KIAA1549L: variants seen among roughly 807,000 people sequenced by gnomAD.
KIAA1549L encodes the protein UPF0606 protein KIAA1549L.
A neutral mutation model predicts 160.7 loss-of-function variants in KIAA1549L; 88 were observed. The ratio of observed to expected loss-of-function variants is 0.55; its 90% CI spans 0.46 to 0.65. The LOEUF (loss-of-function observed/expected upper bound fraction) is 0.65. Among genes scored for constraint, KIAA1549L ranks in the 30% least tolerant of loss-of-function variants. The probability of loss-of-function intolerance (pLI) is 0.00; values close to 1 mark genes in which losing one functional copy is unlikely to be tolerated. For missense variants in KIAA1549L, 2,258 were observed against 2,437.5 expected, an observed-to-expected ratio of 0.93 and a Z score of 1.55; for synonymous variants, 950 against 976.7, an observed-to-expected ratio of 0.97 and a Z score of 0.51.
intron 1 of KIAA1549L, among the ~76,000 whole-genome samples, chr11:33,392,705 C>T (rs898905302): frequency 3.3e-5 from 5 of 152,144 alleles, no homozygotes; most frequent in South Asian, 2.1e-4. Flanking sequence ...TTTTATATCA[C>T]GCAGTTAAAA....
rs115058267 is a variant in KIAA1549L, at chr11:33,521,830, T to A, written c.239-19972T>A. ...TGATACTCTGTTGCTAATCACAGAT[T>A]GGTCTGAAGGAGAATGGAAGGATAA... On this transcript the variant is annotated intron_variant, in intron 1 of 20. Transcript: ENST00000658780. 5.3e-3 allele frequency among the ~76,000 whole-genome samples: 807 copies of A among 152,310 alleles called. 5 individuals are homozygous for A. The highest frequency in any genetic ancestry group is 0.019 in the African/African-American group (778 of 41,560).
chr11:33,654,435 C>T (rs1851993583), intron 17 of KIAA1549L, among the ~76,000 whole-genome samples: 1 of 152,226 alleles, frequency 6.6e-6, no homozygotes, highest in Non-Finnish European at 1.5e-5. Flanking sequence ...ATGAGCTCCA[C>T]TTGCTTCATC....
chr11:33,477,507 G>GCACGCGCGCACACACA (rs374982374), intron 1 of KIAA1549L, among the ~76,000 whole-genome samples: 2 of 131,740 alleles, frequency 1.5e-5, no homozygotes, highest in Non-Finnish European at 3.1e-5. Context: ...GCAGGTGCAC[G>GCACGCGCGCACACACA]CACACACACA....
intron 1 of KIAA1549L, among the ~76,000 whole-genome samples, chr11:33,514,773 A>G (rs1853306846): frequency 6.6e-6 from 1 of 152,174 alleles, no homozygotes; most frequent in South Asian, 2.1e-4. Flanking sequence ...AATGGATGCC[A>G]TGTTTTCAGG....
At chr11:33,394,893 G>A (rs1014212605) in intron 1 of KIAA1549L, among the ~76,000 whole-genome samples, 3 of 152,234 alleles carry the variant, frequency 2.0e-5, no homozygotes, top group Non-Finnish European at 4.4e-5. Flanking sequence ...AGCAGACAGA[G>A]TAACAGGTCC....
At chr11:33,426,428 T>C (rs1286956828) in intron 1 of KIAA1549L, among the ~76,000 whole-genome samples, 2 of 152,146 alleles carry the variant, frequency 1.3e-5, no homozygotes, top group Admixed American at 6.5e-5. Context: ...TCAAACTGTA[T>C]CTTGACTGAT....
At chr11:33,629,449 T>C (rs1379310895) in intron 16 of KIAA1549L, among the ~76,000 whole-genome samples, 1 of 152,196 alleles carries the variant, frequency 6.6e-6, no homozygotes, top group Admixed American at 6.5e-5. Context: ...TTTGGTCTTT[T>C]CACATAGTCC....
intron 1 of KIAA1549L, among the ~76,000 whole-genome samples, chr11:33,439,141 C>A (rs1177962785): frequency 1.3e-5 from 2 of 152,112 alleles, no homozygotes; most frequent in Non-Finnish European, 2.9e-5. Flanking sequence ...GTTGGTCAGG[C>A]CCTCAGGTGA....
intron 11 of KIAA1549L, among the ~76,000 whole-genome samples, chr11:33,584,959 G>A (rs1855763695): frequency 6.6e-6 from 1 of 152,202 alleles, no homozygotes; most frequent in African/African-American, 2.4e-5. Context: ...TCGTCCTTGC[G>A]GGGGTCACGC....
At chr11:33,630,959 A>G (rs1483242584) in intron 16 of KIAA1549L, among the ~76,000 whole-genome samples, 2 of 152,138 alleles carry the variant, frequency 1.3e-5, no homozygotes, top group Non-Finnish European at 2.9e-5. Context: ...ATTTTCGTGC[A>G]TGGCCAGGTA....
chr11:33,597,855 G>T (rs999420327), intron 12 of KIAA1549L, among the ~76,000 whole-genome samples: 2 of 152,186 alleles, frequency 1.3e-5, no homozygotes, highest in Non-Finnish European at 2.9e-5. Context: ...GGACTGATTC[G>T]CCACTTTCCT....
chr11:33,391,506 G>C (rs1850272544), intron 1 of KIAA1549L, among the ~76,000 whole-genome samples: 1 of 152,222 alleles, frequency 6.6e-6, no homozygotes, highest in Non-Finnish European at 1.5e-5. Context: ...AGCCAAGACA[G>C]TCATGTGACT....
intron 1 of KIAA1549L, among the ~76,000 whole-genome samples, chr11:33,411,044 A>T (rs1850775113): frequency 6.6e-6 from 1 of 152,142 alleles, no homozygotes; most frequent in African/African-American, 2.4e-5. Flanking sequence ...GCAGGCACAC[A>T]CTGGGTTGTA....
chr11:33,442,408 T>C (rs1851528760), intron 1 of KIAA1549L, among the ~76,000 whole-genome samples: 3 of 152,202 alleles, frequency 2.0e-5, no homozygotes, highest in African/African-American at 7.2e-5. Flanking sequence ...ATGCGGGCTC[T>C]TTTTTGGTTC....
intron 1 of KIAA1549L, among the ~76,000 whole-genome samples, chr11:33,538,684 G>C (rs80242710): frequency 1.3e-5 from 2 of 152,138 alleles, no homozygotes; most frequent in Non-Finnish European, 2.9e-5. Context: ...TATTGACTCT[G>C]TTGTTAAGCT....
At chr11:33,609,675 A>T in intron 14 of KIAA1549L, 74 bp from the exon 15 acceptor site, 1 of 1,212,020 alleles carries the variant, frequency 8.3e-7, no homozygotes, top group Non-Finnish European at 1.2e-6. Context: ...AGAAGTGATA[A>T]CCTCCTGGTG....
intron 1 of KIAA1549L, among the ~76,000 whole-genome samples, chr11:33,406,504 T>C (rs1278263008): frequency 6.6e-6 from 1 of 152,190 alleles, no homozygotes; most frequent in African/African-American, 2.4e-5. Context: ...TCTCCTCTCT[T>C]AGGGACAGGT....
At chr11:33,641,716 G>A (rs575239108) in intron 16 of KIAA1549L, among the ~76,000 whole-genome samples, 30 of 148,740 alleles carry the variant, frequency 2.0e-4, no homozygotes, top group Non-Finnish European at 4.0e-4. Context: ...GAACACATTT[G>A]TCTTTCAATG....
intron 10 of KIAA1549L, among the ~76,000 whole-genome samples, chr11:33,578,766 C>T (rs994810208): frequency 2.8e-4 from 42 of 152,338 alleles, no homozygotes; most frequent in African/African-American, 9.9e-4. Context: ...CATGTTCCCT[C>T]TTCCTTGAAG....
Sources: allele counts gnomAD v4.1 joint callset (sites outside exome capture counted in the v4.1 genomes callset), GRCh38; gene constraint gnomAD v4.1.1; transcripts MANE v1.5; gene names NCBI Gene and HGNC (gene_info 2026-07-23, HGNC 2026-07-21).